CPNE4: variants seen among roughly 807,000 people sequenced by gnomAD.
The protein encoded by CPNE4 is copine-4.
Under a neutral mutation model 67.9 loss-of-function variants are expected in CPNE4, and 25 were observed. The ratio of observed to expected loss-of-function variants is 0.37; its 90% CI spans 0.27 to 0.51. The LOEUF is 0.51. Among genes scored for constraint, CPNE4 ranks in the 20% least tolerant of loss-of-function variants. CPNE4 has a pLI of 0.93. For synonymous variants in CPNE4, 242 were observed against 244.9 expected, an observed-to-expected ratio of 0.99 and a Z score of 0.11; for missense variants, 464 against 690.8, an observed-to-expected ratio of 0.67 and a Z score of 3.68.
intron 6 of CPNE4, 62 bp from the exon 7 acceptor site, chr3:131,669,826 A>T: frequency 2.4e-6 from 3 of 1,250,484 alleles, no homozygotes; most frequent in Non-Finnish European, 3.5e-6. Context: ...TCACATTTCC[A>T]CATTAAAACT....
At chr3:131,744,598 CTA>C (rs2082440829) in intron 2 of CPNE4, among the ~76,000 whole-genome samples, 1 of 152,204 alleles carries the variant, frequency 6.6e-6, no homozygotes, top group Non-Finnish European at 1.5e-5. Flanking sequence ...ATGCCTTCAC[CTA>C]CTTCTAAACT....
At chr3:131,978,584 C>A (rs1241090754) in intron 1 of CPNE4, among the ~76,000 whole-genome samples, 1 of 57,888 alleles carries the variant, frequency 1.7e-5, no homozygotes. Context: ...ATCCACTCTC[C>A]TCTTTTCTTG....
intron 1 of CPNE4, among the ~76,000 whole-genome samples, chr3:131,907,387 A>C (rs1235852091): frequency 6.6e-6 from 1 of 152,036 alleles, no homozygotes; most frequent in Non-Finnish European, 1.5e-5. Context: ...CCCTTCTTCC[A>C]CAAATATTTA....
At chr3:132,019,617 A>T (rs1309631599) in intron 1 of CPNE4, among the ~76,000 whole-genome samples, 4 of 152,244 alleles carry the variant, frequency 2.6e-5, no homozygotes, top group Non-Finnish European at 5.9e-5. Context: ...CTGATAAAAA[A>T]AAATTCAGCA....
chr3:131,837,976 A>G (rs1259118016), intron 2 of CPNE4, among the ~76,000 whole-genome samples: 1 of 151,888 alleles, frequency 6.6e-6, no homozygotes, highest in Non-Finnish European at 1.5e-5. Context: ...AGAGTTGCAA[A>G]ACCATTACCA....
intron 2 of CPNE4, among the ~76,000 whole-genome samples, chr3:131,776,096 T>A (rs1252270366): frequency 6.6e-6 from 1 of 152,144 alleles, no homozygotes; most frequent in Non-Finnish European, 1.5e-5. Flanking sequence ...TCTTCTCTCC[T>A]TCCCGGCTTA....
At chr3:131,974,213 G>A (rs2072582535) in intron 1 of CPNE4, among the ~76,000 whole-genome samples, 1 of 152,096 alleles carries the variant, frequency 6.6e-6, no homozygotes, top group South Asian at 2.1e-4. Context: ...TTCTCTCCCT[G>A]GAAGAGGTTA....
intron 1 of CPNE4, among the ~76,000 whole-genome samples, chr3:131,916,365 AAC>A (rs1193263554): frequency 2.0e-5 from 3 of 151,328 alleles, no homozygotes; most frequent in East Asian, 1.9e-4. Flanking sequence ...AAAAAAAAAA[AAC>A]AGAGCAGGAT....
At chr3:131,731,839 CT>C (rs1194022907) in intron 2 of CPNE4, among the ~76,000 whole-genome samples, 1 of 152,126 alleles carries the variant, frequency 6.6e-6, no homozygotes, top group Non-Finnish European at 1.5e-5. Flanking sequence ...TAGTGAAATC[CT>C]GTATAATACA....
At chr3:131,727,724 T>C (rs904036762) in intron 2 of CPNE4, among the ~76,000 whole-genome samples, 1 of 152,196 alleles carries the variant, frequency 6.6e-6, no homozygotes, top group Non-Finnish European at 1.5e-5. Flanking sequence ...ACCCAAATTT[T>C]TCTCTTACTC....
chr3:131,984,961 G>A (rs1395078695), intron 1 of CPNE4, among the ~76,000 whole-genome samples: 1 of 152,034 alleles, frequency 6.6e-6, no homozygotes, highest in Non-Finnish European at 1.5e-5. Flanking sequence ...TATTTCCTGG[G>A]GTGACCTCTG....
At chr3:131,647,060 C>T (rs79148873) in intron 7 of CPNE4, among the ~76,000 whole-genome samples, 1,959 of 152,252 alleles carry the variant, frequency 0.013, 43 homozygotes, top group African/African-American at 0.045. Flanking sequence ...TGTGCAGATT[C>T]AGAGGTAACT....
At chr3:131,813,857 T>A (rs1441864550) in intron 2 of CPNE4, among the ~76,000 whole-genome samples, 1 of 152,194 alleles carries the variant, frequency 6.6e-6, no homozygotes, top group East Asian at 1.9e-4. Context: ...ATACCAGACA[T>A]GATTTTGAAA....
At chr3:131,812,989 G>A (rs2084596144) in intron 2 of CPNE4, among the ~76,000 whole-genome samples, 2 of 152,128 alleles carry the variant, frequency 1.3e-5, no homozygotes, top group Non-Finnish European at 1.5e-5. Context: ...GATACTTAAA[G>A]AAAACTTATT....
chr3:131,726,354 T>C (rs1271161597), intron 2 of CPNE4, among the ~76,000 whole-genome samples: 1 of 152,180 alleles, frequency 6.6e-6, no homozygotes, highest in Non-Finnish European at 1.5e-5. Context: ...CTTGGTTTTT[T>C]GAGCGAAATG....
At chr3:131,561,721 T>G (rs1433500274) in intron 11 of CPNE4, among the ~76,000 whole-genome samples, 1 of 152,042 alleles carries the variant, frequency 6.6e-6, no homozygotes, top group East Asian at 1.9e-4. Context: ...CTGTCAGTTT[T>G]TATTCAAGTG....
intron 2 of CPNE4, among the ~76,000 whole-genome samples, chr3:131,867,360 T>C (rs2086996567): frequency 6.6e-6 from 1 of 151,946 alleles, no homozygotes; most frequent in African/African-American, 2.4e-5. Context: ...AAACAAAGAA[T>C]GAACAAAAAG....
chr3:131,626,726 C>A (rs1217267512), intron 7 of CPNE4, among the ~76,000 whole-genome samples: 1 of 152,122 alleles, frequency 6.6e-6, no homozygotes, highest in Non-Finnish European at 1.5e-5. Flanking sequence ...AACAAATTTT[C>A]AATATAGACA....
At chr3:131,768,769 G>T (rs1430863792) in intron 2 of CPNE4, among the ~76,000 whole-genome samples, 1 of 152,102 alleles carries the variant, frequency 6.6e-6, no homozygotes, top group Non-Finnish European at 1.5e-5. Flanking sequence ...CATGCAACCA[G>T]ATTGGACATG....
Sources: gnomAD v4.1 joint callset for allele counts (sites outside exome capture counted in the v4.1 genomes callset) on GRCh38, gnomAD v4.1.1 for gene constraint, MANE v1.5 for transcripts, NCBI Gene and HGNC (gene_info 2026-07-23, HGNC 2026-07-21) for gene names.